The following LOC400499 variants were observed in gnomAD, a reference collection of about 807,000 sequenced individuals.
At chr16:11,374,837 T>C in the LOC400499 span, among the ~76,000 whole-genome samples, 2 of 152,130 alleles carry the variant, frequency 1.3e-5, no homozygotes, top group Admixed American at 6.6e-5. Flanking sequence ...AGAAGTAGAA[T>C]TGCTGGATTG....
chr16:11,413,363 C>A, the LOC400499 span, among the ~76,000 whole-genome samples: 1 of 152,176 alleles, frequency 6.6e-6, no homozygotes, highest in Non-Finnish European at 1.5e-5. Flanking sequence ...CCCCTGGGAG[C>A]TGCTCCCTCC....
At chr16:11,503,762 G>C in the LOC400499 span, among the ~76,000 whole-genome samples, 169 of 152,340 alleles carry the variant, frequency 1.1e-3, no homozygotes, top group African/African-American at 3.5e-3. Context: ...CAGAGCCAGT[G>C]GCAACCCTCA....
chr16:11,514,401 G>A, the LOC400499 span: 11 of 399,032 alleles, frequency 2.8e-5, no homozygotes, highest in Non-Finnish European at 2.7e-5. Flanking sequence ...AGCAGACTGA[G>A]TGAGGAGAGG....
the LOC400499 span, chr16:11,398,575 T>C: frequency 8.5e-7 from 1 of 1,171,734 alleles, no homozygotes; most frequent in Non-Finnish European, 1.1e-6. Flanking sequence ...CCAGCTGCAG[T>C]TGGAGACCCT....
chr16:11,433,867 C>T, the LOC400499 span, among the ~76,000 whole-genome samples: 12 of 152,324 alleles, frequency 7.9e-5, no homozygotes, highest in African/African-American at 1.9e-4. Context: ...TTGCCCTATG[C>T]GTCTCTTCCA....
chr16:11,474,591 G>C, the LOC400499 span, among the ~76,000 whole-genome samples: 127 of 152,174 alleles, frequency 8.3e-4, no homozygotes, highest in African/African-American at 2.9e-3. Context: ...CGGGTGCAGC[G>C]GCTCATGCCT....
chr16:11,378,887 G>T, the LOC400499 span, among the ~76,000 whole-genome samples: 9 of 152,174 alleles, frequency 5.9e-5, no homozygotes, highest in African/African-American at 2.2e-4. Context: ...TGTCTGTGTG[G>T]TAGGTCCAAC....
At chr16:11,430,415 G>A in the LOC400499 span, among the ~76,000 whole-genome samples, 1 of 152,078 alleles carries the variant, frequency 6.6e-6, no homozygotes, top group Non-Finnish European at 1.5e-5. Flanking sequence ...GCTTGTACCC[G>A]GGAGGCGGAG....
the LOC400499 span, among the ~76,000 whole-genome samples, chr16:11,383,093 TCTCA>T: frequency 9.1e-3 from 1,077 of 118,582 alleles, 7 homozygotes; most frequent in Non-Finnish European, 0.017. Context: ...TGAGACGGAG[TCTCA>T]CTCTGTTGCC....
At chr16:11,382,502 G>GTGTT in the LOC400499 span, among the ~76,000 whole-genome samples, 1 of 152,184 alleles carries the variant, frequency 6.6e-6, no homozygotes, top group African/African-American at 2.4e-5. Flanking sequence ...CAGGTAGCTG[G>GTGTT]TGTTAGAACT....
chr16:11,466,316 G>A, the LOC400499 span, among the ~76,000 whole-genome samples: 2 of 152,164 alleles, frequency 1.3e-5, no homozygotes, highest in African/African-American at 4.8e-5. Context: ...GCCACATGAA[G>A]CTGTGGAACA....
the LOC400499 span, among the ~76,000 whole-genome samples, chr16:11,502,914 C>G: frequency 1.7e-5 from 1 of 58,658 alleles, no homozygotes; most frequent in East Asian, 3.1e-4. Flanking sequence ...ACACCTGGAC[C>G]ACCTTTTTTT....
At chr16:11,407,232 T>C in the LOC400499 span, 6 of 398,782 alleles carry the variant, frequency 1.5e-5, no homozygotes, top group African/African-American at 1.0e-4. Context: ...TTGATGAAAT[T>C]GTTGAGACCG....
the LOC400499 span, among the ~76,000 whole-genome samples, chr16:11,387,864 T>C: frequency 1.3e-5 from 2 of 152,106 alleles, no homozygotes; most frequent in African/African-American, 4.8e-5. Context: ...CTTCAACTGA[T>C]CTGCCCACCT....
chr16:11,463,566 A>C, the LOC400499 span, among the ~76,000 whole-genome samples: 1 of 152,074 alleles, frequency 6.6e-6, no homozygotes, highest in Non-Finnish European at 1.5e-5. Context: ...GTGTGAACGT[A>C]TGTATACGGA....
the LOC400499 span, among the ~76,000 whole-genome samples, chr16:11,423,699 T>C: frequency 6.6e-6 from 1 of 152,180 alleles, no homozygotes; most frequent in Non-Finnish European, 1.5e-5. Context: ...GTTTCCTGCT[T>C]TTCATTTCTG....
chr16:11,399,502 C>G, the LOC400499 span: 1 of 398,830 alleles, frequency 2.5e-6, no homozygotes, highest in South Asian at 1.3e-4. Flanking sequence ...GCATGCGGTG[C>G]TGGCCCCAGG....
the LOC400499 span, among the ~76,000 whole-genome samples, chr16:11,489,464 G>A: frequency 2.6e-5 from 4 of 151,844 alleles, no homozygotes; most frequent in Non-Finnish European, 2.9e-5. Flanking sequence ...TCCCTGGAGG[G>A]ATAAAGATCA....
At chr16:11,461,153 C>G in the LOC400499 span, 1 of 1,511,450 alleles carries the variant, frequency 6.6e-7, no homozygotes, top group Non-Finnish European at 8.8e-7. Flanking sequence ...ATGAGAGGGT[C>G]AGCCCCCAGG....
Sources: gnomAD v4.1 joint callset for allele counts (sites outside exome capture counted in the v4.1 genomes callset) on GRCh38, gnomAD v4.1.1 for gene constraint, MANE v1.5 for transcripts.